The following MGAT4B variants were observed in gnomAD, a reference collection of about 807,000 sequenced individuals.
MGAT4B encodes the protein N-acetylglucosaminyltransferase IVb.
A neutral mutation model predicts 73.9 loss-of-function variants in MGAT4B; 38 were observed. That is an observed-to-expected ratio of 0.51 (90% CI 0.40 to 0.67). The LOEUF is 0.67. Among genes scored for constraint, MGAT4B ranks in the 30% least tolerant of loss-of-function variants. The probability of loss-of-function intolerance (pLI) is 0.00; values close to 1 mark genes in which losing one functional copy is unlikely to be tolerated. For missense variants in MGAT4B, 686 were observed against 735.2 expected (o/e 0.93, Z 0.77); for synonymous variants, 373 against 313.5 (o/e 1.19, Z -2.01).
In MGAT4B at chr5:179,799,548, G is replaced by A. The variant is rs753453021; in HGVS notation, c.999C>T (p.Asp333=). ...YRDKPIDWLL[D]HILWVKVCNP... ...TGCAGACTTTCACCCACAGAATATG[G>A]TCCAGGAGCCAGTCGATGGGCTTGT... The change falls in exon 9 of 15, where the codon GAC becomes GAT. Residue 333 remains aspartate (D), a synonymous_variant. Transcript: ENST00000292591. 6.2e-7 allele frequency: 1 copy of A among 1,613,976 alleles called. No homozygotes were observed. Among genetic ancestry groups the A allele is most frequent in the South Asian group, 1.1e-5 (1 of 91,078 alleles).
rs764087881 is a variant in MGAT4B at position 179,801,327 on chromosome 5, C to T, written c.558+7G>A. ...TGTCCCCCAACCCCGCGTCCCGGCT[C>T]ACTCGCCTCGGCGATCAGCACCACG... On this transcript the variant is annotated splice_region_variant and intron_variant, in intron 4 of 14. Coordinates refer to ENST00000292591, the MANE Select transcript of MGAT4B (RefSeq NM_014275.5). This position sits in a 1 kb window ranked among gnomAD's most constrained non-coding sequence, Gnocchi z 4.8. 11 of 1,606,082 alleles carry T rather than the reference C, an allele frequency of 6.8e-6. No individual in the cohort carries two copies. In the Admixed American group the frequency reaches 1.7e-4, roughly 24 times the overall value.
In MGAT4B at chr5:179,798,903, G is replaced by T. The variant is rs752278018; in HGVS notation, c.1343+25C>A. 3 of 1,612,668 alleles carry T rather than the reference G, an allele frequency of 1.9e-6. No individual in the cohort carries two copies. The Admixed American group carries it at 5.0e-5, about 27-fold the overall frequency. On this transcript the variant is annotated intron_variant, in intron 11 of 14. Coordinates refer to ENST00000292591, the MANE Select transcript of MGAT4B (RefSeq NM_014275.5). Reference sequence around the variant, plus strand: ...GGGGCCACCCAGCCCCGCCCCCATCGCAGACCCATGGTGCTGGCACTGACC... The same window carrying T: ...GGGGCCACCCAGCCCCGCCCCCATCTCAGACCCATGGTGCTGGCACTGACC...
At position 179,798,333 on chromosome 5, in the gene MGAT4B, C is replaced by G. The variant is rs377385523; in HGVS notation, c.1510+14G>C. On this transcript the variant is annotated intron_variant, in intron 13 of 14. Coordinates refer to ENST00000292591, the MANE Select transcript of MGAT4B (RefSeq NM_014275.5). ...CTGAACCCCAGCCCACGCTCTCCCC[C>G]AAACCCTACCCACCGATCTGGAGGT... 2 of 1,612,966 alleles carry G rather than the reference C, an allele frequency of 1.2e-6. No homozygotes were observed. Among genetic ancestry groups the G allele is most frequent in the Non-Finnish European group, 1.7e-6 (2 of 1,180,004 alleles).
At chr5:179,803,914 T>A (rs2113439732) in intron 1 of MGAT4B, 1 of 152,530 alleles carries the variant, frequency 6.6e-6, no homozygotes, top group South Asian at 2.1e-4. Context: ...TGTGACTGCC[T>A]CCCCATGGGC....
In MGAT4B at chr5:179,800,515, C is replaced by G. The variant is rs189163317; in HGVS notation, c.688G>C (p.Glu230Gln). 1 of 1,611,392 alleles carries G rather than the reference C, an allele frequency of 6.2e-7. No individual in the cohort carries two copies. The highest frequency in any genetic ancestry group is 1.7e-5 in the Admixed American group (1 of 59,724). The change falls in exon 6 of 15, where the codon GAG becomes CAG. Residue 230 changes from glutamate to glutamine, a missense_variant. This residue lies in a region of MGAT4B where 449 missense variants were observed against 536.8 expected (regional missense o/e 0.84). Transcript: ENST00000292591. ...HFYPDFSRLR[E>Q]SFGDPKERVR... ...CTCTCCTTGGGGTCCCCAAAGGACT[C>G]TCGGAGGCGGGAGAAGTCAGGGTAG...
chr5:179,802,543 T>C, intron 1 of MGAT4B: 5 of 1,000,892 alleles, frequency 5.0e-6, no homozygotes, highest in Non-Finnish European at 6.0e-6. Flanking sequence ...AAACCGGCCC[T>C]GGGGCTGCTC....
At position 179,797,805 on chromosome 5, in the gene MGAT4B, C is replaced by G; in HGVS notation, c.*240G>C. On this transcript the variant is annotated 3_prime_UTR_variant, in exon 15 of 15. Transcript: ENST00000292591. Reference sequence around the variant, plus strand: ...CTGACTGGGGCAGGCCGGGTGCGAACGGTTCCGGGCCTCAGGCACAGTGTG... The same window carrying G: ...CTGACTGGGGCAGGCCGGGTGCGAAGGGTTCCGGGCCTCAGGCACAGTGTG... 1 of 499,118 alleles carries G rather than the reference C, an allele frequency of 2.0e-6. No individual in the cohort carries two copies. The highest frequency in any genetic ancestry group is 3.5e-6 in the Non-Finnish European group (1 of 287,628). 30.9% of individuals were successfully genotyped at this position (499,118 alleles called of 1,614,324 possible).
At chr5:179,802,021 G>A (rs748811491) in intron 1 of MGAT4B, 52 bp from the exon 2 acceptor site, 27 of 1,612,674 alleles carry the variant, frequency 1.7e-5, no homozygotes, top group South Asian at 9.9e-5. Flanking sequence ...GCCACCCTAC[G>A]GGCCCCTCCA....
rs751722147 is a variant in MGAT4B, at chr5:179,801,642, C to G, written c.336G>C (p.Leu112=). The G allele has an allele frequency of 2.5e-6, 4 of 1,606,240 alleles. No individual in the cohort carries two copies. The highest frequency in any genetic ancestry group is 1.3e-5 in the African/African-American group (1 of 74,920). Residue 112 remains leucine (L), a synonymous_variant, in exon 3 of 15, where the codon CTG becomes CTC. Transcript: ENST00000292591. The surrounding 1 kb of genome is among the most constrained non-coding windows in gnomAD (Gnocchi z 4.8). ...GTGGCAGGTGATGGAAGACGGTGGG[C>G]AGGTGCAGCACGTGCCGGTGTGAGC... ...WNGSHRHVLH[L]PTVFHHLPHL... is the part of the protein sequence containing the mutation.
chr5:179,798,442 C>T lies in MGAT4B; in HGVS notation c.1423-8G>A. On this transcript the variant is annotated splice_polypyrimidine_tract_variant and splice_region_variant and intron_variant, in intron 12 of 14. Coordinates refer to ENST00000292591, the MANE Select transcript of MGAT4B (RefSeq NM_014275.5). Reference sequence around the variant, plus strand: ...CTTGTCTGACTGAGGGTTCTGGGGGCAGAATCAAGGGCTGAGGCAGGTGGT... The same window carrying T: ...CTTGTCTGACTGAGGGTTCTGGGGGTAGAATCAAGGGCTGAGGCAGGTGGT... 6.2e-7 allele frequency: 1 copy of T among 1,612,600 alleles called. No individual in the cohort carries two copies. Among genetic ancestry groups the T allele is most frequent in the South Asian group, 1.1e-5 (1 of 91,018 alleles).
chr5:179,802,225 G>C, intron 1 of MGAT4B: 1 of 1,449,168 alleles, frequency 6.9e-7, no homozygotes, highest in Non-Finnish European at 9.0e-7. Context: ...CCTCTGAGAA[G>C]GCATCTGAAG....
At position 179,806,213 on chromosome 5, in the gene MGAT4B, C is replaced by T. The variant is rs180964253; in HGVS notation, c.97+274G>A. 8.4e-3 allele frequency: 1,371 copies of T among 163,628 alleles called. 21 individuals are homozygous for T. The highest frequency in any genetic ancestry group is 0.031 in the African/African-American group (1,309 of 41,784). The allele number at this position is 163,628 out of a possible 1,614,324, so 10.1% of individuals were successfully genotyped here. A position where few individuals can be genotyped will look rare whatever the true frequency, so the allele number is the denominator to read the frequency against. ...GTGACCTTGGGTCTCTGCCCCTCTCCGAGAACCCCACGGGTCCCCAGCTCA... is the reference window on the plus strand; with the variant it reads ...GTGACCTTGGGTCTCTGCCCCTCTCTGAGAACCCCACGGGTCCCCAGCTCA... On this transcript the variant is annotated intron_variant, in intron 1 of 14. Coordinates refer to ENST00000292591, the MANE Select transcript of MGAT4B (RefSeq NM_014275.5). The surrounding 1 kb of genome is among the most constrained non-coding windows in gnomAD (Gnocchi z 4.6).
intron 1 of MGAT4B, chr5:179,802,597 G>A: frequency 1.0e-6 from 1 of 990,290 alleles, no homozygotes; most frequent in East Asian, 1.1e-4. Flanking sequence ...TGAACGCCCT[G>A]GTGCCTGTGT....
In MGAT4B at chr5:179,800,607, G is replaced by C. The variant is rs369491366; in HGVS notation, c.606-10C>G. ...GATCTCCGTGGGGAACCTGGGGGACGGGAAGGCCTAGTCCGTATGCAGCCT... is the reference window on the plus strand; with the variant it reads ...GATCTCCGTGGGGAACCTGGGGGACCGGAAGGCCTAGTCCGTATGCAGCCT... On this transcript the variant is annotated splice_polypyrimidine_tract_variant and intron_variant, in intron 5 of 14. Coordinates refer to ENST00000292591, the MANE Select transcript of MGAT4B (RefSeq NM_014275.5). 1.3e-6 allele frequency: 2 copies of C among 1,569,134 alleles called. No homozygotes were observed. The highest frequency in any genetic ancestry group is 1.4e-5 in the African/African-American group (1 of 74,034).
At chr5:179,802,803 C>T (rs1562619407) in intron 1 of MGAT4B, 4 of 985,460 alleles carry the variant, frequency 4.1e-6, no homozygotes, top group African/African-American at 1.7e-5. Flanking sequence ...AGATCAACAA[C>T]CTCCTGGTGG....
Position 179,799,305 on chromosome 5 carries a change from G to T in MGAT4B, c.1047C>A (p.His349Gln), listed in dbSNP as rs772815283. 1 of 1,613,654 alleles carries T rather than the reference G, an allele frequency of 6.2e-7. No homozygotes were observed. The highest frequency in any genetic ancestry group is 1.7e-5 in the Admixed American group (1 of 59,994). Residue 349 changes from histidine to glutamine, a missense_variant, in exon 10 of 15, where the codon CAC becomes CAA. Physicochemically the swap from His to Gln is conservative, Grantham distance 24 (BLOSUM62 0). This residue lies in a region of MGAT4B where 449 missense variants were observed against 536.8 expected (regional missense o/e 0.84). Coordinates refer to ENST00000292591, the MANE Select transcript of MGAT4B (RefSeq NM_014275.5). ...GCAGGTTGGCTTTCTGCCGGTCACAGTGCTTCTGTGGAGGGTGGGCAACAC... is the reference window on the plus strand; with the variant it reads ...GCAGGTTGGCTTTCTGCCGGTCACATTGCTTCTGTGGAGGGTGGGCAACAC... ...KVCNPEKDAK[H>Q]CDRQKANLRI...
rs1756733613 is a variant in MGAT4B at position 179,798,185 on chromosome 5, C to A, written c.1603G>T (p.Val535Leu). The A allele has an allele frequency of 6.3e-7, 1 of 1,596,208 alleles. No homozygotes were observed. The highest frequency in any genetic ancestry group is 8.5e-7 in the Non-Finnish European group (1 of 1,170,602). ...CTCACCTCGCTCAGAATCACCCACA[C>A]AGGGGAGTCCGTCTGGATCGAGAGG... ...LRLSIQTDSP[V>L]WVILSEIFLK... The change falls in exon 14 of 15, where the codon GTG becomes TTG. Residue 535 changes from valine (V) to leucine (L), a missense_variant. Physicochemically the swap from Val to Leu is conservative, Grantham distance 32. This residue lies in a region of MGAT4B where 449 missense variants were observed against 536.8 expected (regional missense o/e 0.84). Coordinates refer to ENST00000292591, the MANE Select transcript of MGAT4B (RefSeq NM_014275.5).
chr5:179,799,859 G>T, intron 8 of MGAT4B, 95 bp downstream of exon 8: 3 of 1,359,526 alleles, frequency 2.2e-6, no homozygotes, highest in African/African-American at 1.4e-5. Context: ...GGCCCACCTG[G>T]GCAAAGGCTC....
chr5:179,801,595 C>A lies in MGAT4B; in HGVS notation c.383G>T (p.Ser128Ile). The A allele has an allele frequency of 6.2e-7, 1 of 1,607,860 alleles. No individual in the cohort carries two copies. Among genetic ancestry groups the A allele is most frequent in the Admixed American group, 1.7e-5 (1 of 58,996 alleles). ...GCCCACGCGCACCGCGGGCTGCAGA[C>A]TGCTCTCCTTGGCCAGCAGGTGTGG... is the stretch of plus-strand genomic sequence containing the variant. The part of the protein sequence containing the change: ...HLPHLLAKES[S>I]LQPAVRVGQG... Residue 128 changes from serine (S) to isoleucine (I), a missense_variant, in exon 3 of 15, where the codon AGT (serine) becomes ATT (isoleucine). Coordinates refer to ENST00000292591, the MANE Select transcript of MGAT4B (RefSeq NM_014275.5). This position sits in a 1 kb window ranked among gnomAD's most constrained non-coding sequence, Gnocchi z 4.8.
Sources: allele counts gnomAD v4.1 joint callset, GRCh38; gene constraint gnomAD v4.1.1; regional missense constraint gnomAD v4.1.1; non-coding constraint Gnocchi (gnomAD v3.1); transcripts MANE v1.5; gene names NCBI Gene and HGNC (gene_info 2026-07-23, HGNC 2026-07-21).